ADARB1: variants seen among roughly 807,000 people sequenced by gnomAD.
The protein encoded by ADARB1 is double-stranded RNA-specific editase 1.
A neutral mutation model predicts 52.4 loss-of-function variants in ADARB1; 10 were observed. The ratio of observed to expected loss-of-function variants is 0.19; its 90% CI spans 0.12 to 0.32. The LOEUF (loss-of-function observed/expected upper bound fraction) is 0.32, where lower values mean the gene tolerates loss of function less well. Among genes scored for constraint, ADARB1 ranks in the 10% least tolerant of loss-of-function variants. The pLI is 1.00. For synonymous variants in ADARB1, 349 were observed against 371.1 expected (o/e 0.94, Z 0.68); for missense variants, 643 against 922.3 (o/e 0.70, Z 3.92).
At chr21:45,081,392 C>T (rs2086144164) in intron 1 of ADARB1, among the ~76,000 whole-genome samples, 1 of 152,174 alleles carries the variant, frequency 6.6e-6, no homozygotes, top group African/African-American at 2.4e-5. Flanking sequence ...TCACTTTTGG[C>T]ATAGCATTCA....
In ADARB1 at chr21:45,222,106, A is replaced by G. The variant is rs771382494; in HGVS notation, c.2015A>G (p.Lys672Arg). 1 of 1,613,306 alleles carries G rather than the reference A, an allele frequency of 6.2e-7. No individual in the cohort carries two copies. Among genetic ancestry groups the G allele is most frequent in the Non-Finnish European group, 8.5e-7 (1 of 1,179,888 alleles). ...GCGGCAAAGGAGTACCAGGCCGCCA[A>G]GGCGCGTCTGTTCACAGCCTTCATC... ...KLAAKEYQAA[K>R]ARLFTAFIKA... Residue 672 changes from lysine (K) to arginine (R), a missense_variant, in exon 11 of 11, where the codon AAG becomes AGG. Coordinates refer to ENST00000348831, the MANE Select transcript of ADARB1 (RefSeq NM_001112.4).
At chr21:45,191,899 T>A (rs1429327035) in intron 8 of ADARB1, among the ~76,000 whole-genome samples, 23 of 45,810 alleles carry the variant, frequency 5.0e-4, no homozygotes, top group African/African-American at 1.3e-3. Flanking sequence ...TTTTTTTTTT[T>A]TTTTTTTTTT....
In ADARB1 at chr21:45,225,309, G is replaced by A; in HGVS notation, c.*3112G>A. The stretch of plus-strand genomic sequence containing the variant: ...GCCAGGCCCACCTCTTCCCAGCAAG[G>A]GACGCCAAAGAACTGCAGTTTTTAT... On this transcript the variant is annotated 3_prime_UTR_variant, in exon 11 of 11. Coordinates refer to ENST00000348831, the MANE Select transcript of ADARB1 (RefSeq NM_001112.4). 1 of 1,199,690 alleles carries A rather than the reference G, an allele frequency of 8.3e-7. No individual in the cohort carries two copies. Among genetic ancestry groups the A allele is most frequent in the Non-Finnish European group, 1.0e-6 (1 of 967,788 alleles). The allele number at this position is 1,199,690 out of a possible 1,614,324, so 74.3% of individuals were successfully genotyped here. A position where few individuals can be genotyped will look rare whatever the true frequency, so the allele number is the denominator to read the frequency against.
intron 9 of ADARB1, among the ~76,000 whole-genome samples, chr21:45,213,298 A>C (rs1288391943): frequency 6.6e-6 from 1 of 152,122 alleles, no homozygotes; most frequent in Non-Finnish European, 1.5e-5. Context: ...GGTTTGTGTG[A>C]ATTTTTGGAA....
chr21:45,174,398 C>T (rs935239216), intron 3 of ADARB1, among the ~76,000 whole-genome samples: 2 of 152,118 alleles, frequency 1.3e-5, no homozygotes, highest in Admixed American at 1.3e-4. Context: ...CTTTATACTC[C>T]TCTTTTTAAA....
rs765249261 is a variant in ADARB1, at chr21:45,176,121, G to A, written c.420G>A (p.Arg140=). 6.2e-7 allele frequency: 1 copy of A among 1,614,058 alleles called. No homozygotes were observed. The highest frequency in any genetic ancestry group is 8.5e-7 in the Non-Finnish European group (1 of 1,180,004). Reference sequence around the variant, plus strand: ...TCCATGCTGCTGAGAAGGCCTTGAGGTCTTTCGTTCAGTTTCCTAATGCCT... The same window carrying A: ...TCCATGCTGCTGAGAAGGCCTTGAGATCTTTCGTTCAGTTTCCTAATGCCT... ...AKLHAAEKAL[R]SFVQFPNASE... Residue 140 remains arginine (R), a synonymous_variant, in exon 4 of 11, where the codon AGG becomes AGA. Transcript: ENST00000348831. The surrounding 1 kb of genome is among the most constrained non-coding windows in gnomAD (Gnocchi z 5.8).
chr21:45,168,308 A>G (rs2091336195), intron 2 of ADARB1, among the ~76,000 whole-genome samples: 1 of 152,144 alleles, frequency 6.6e-6, no homozygotes, highest in African/African-American at 2.4e-5. Flanking sequence ...GGACGTTTGC[A>G]GAGAAAAAGT....
rs2093020223 is a variant in ADARB1, at chr21:45,224,413, G to A, written c.*2216G>A. ...TTCCGGGGTGGACTCGTGCGGCCTTGAGGACAGGCACAGGGCACCCTATCC... is the reference window on the plus strand; with the variant it reads ...TTCCGGGGTGGACTCGTGCGGCCTTAAGGACAGGCACAGGGCACCCTATCC... On this transcript the variant is annotated 3_prime_UTR_variant, in exon 11 of 11. Coordinates refer to ENST00000348831, the MANE Select transcript of ADARB1 (RefSeq NM_001112.4). 3 of 984,336 alleles carry A rather than the reference G, an allele frequency of 3.0e-6. No individual in the cohort carries two copies. The highest frequency in any genetic ancestry group is 3.6e-6 in the Non-Finnish European group (3 of 829,858). The allele number at this position is 984,336 out of a possible 1,614,324, so 61.0% of individuals were successfully genotyped here.
chr21:45,186,899 A>T (rs1044587220), intron 8 of ADARB1, among the ~76,000 whole-genome samples: 4 of 152,128 alleles, frequency 2.6e-5, no homozygotes, highest in African/African-American at 9.7e-5. Context: ...TCTATTCTTT[A>T]TGCCAGTGTC....
chr21:45,177,536 A>T (rs761545637), intron 4 of ADARB1: 1 of 152,198 alleles, frequency 6.6e-6, no homozygotes, highest in African/African-American at 2.4e-5. Context: ...CTGATTATGT[A>T]TTCCTTCTTT....
In ADARB1 at chr21:45,224,394, G is replaced by A; in HGVS notation, c.*2197G>A. 1 of 984,608 alleles carries A rather than the reference G, an allele frequency of 1.0e-6. No homozygotes were observed. The highest frequency in any genetic ancestry group is 1.2e-6 in the Non-Finnish European group (1 of 829,892). 61.0% of individuals were successfully genotyped at this position (984,608 alleles called of 1,614,324 possible). ...ACCATGTGAGGTGGCACCTTTCCGG[G>A]GTGGACTCGTGCGGCCTTGAGGACA... is the stretch of plus-strand genomic sequence containing the variant. On this transcript the variant is annotated 3_prime_UTR_variant, in exon 11 of 11. Coordinates refer to ENST00000348831, the MANE Select transcript of ADARB1 (RefSeq NM_001112.4).
chr21:45,204,455 C>A lies in ADARB1; in HGVS notation c.1566-100C>A. Reference sequence around the variant, plus strand: ...CCTTCGTCAGTTGGTTGGGATCCTGCGGAATTGCCAGTGCATCCCTGTAAC... The same window carrying A: ...CCTTCGTCAGTTGGTTGGGATCCTGAGGAATTGCCAGTGCATCCCTGTAAC... On this transcript the variant is annotated intron_variant, in intron 8 of 10. Coordinates refer to ENST00000348831, the MANE Select transcript of ADARB1 (RefSeq NM_001112.4). This position sits in a 1 kb window ranked among gnomAD's most constrained non-coding sequence, Gnocchi z 4.4. 8.5e-7 allele frequency: 1 copy of A among 1,171,086 alleles called. No homozygotes were observed. Among genetic ancestry groups the A allele is most frequent in the Non-Finnish European group, 1.2e-6 (1 of 817,728 alleles). 72.5% of individuals were successfully genotyped at this position (1,171,086 alleles called of 1,614,324 possible). A position where few individuals can be genotyped will look rare whatever the true frequency, so the allele number is the denominator to read the frequency against.
In ADARB1 at chr21:45,079,669, A is replaced by G. The variant is rs374358374; in HGVS notation, c.-220+4876A>G. On this transcript the variant is annotated intron_variant, in intron 1 of 10. Coordinates refer to ENST00000348831, the MANE Select transcript of ADARB1 (RefSeq NM_001112.4). ...TTAGGAAGAATAAAAGCAACTTGTC[A>G]GGGTTGTTGAGTTGCTAATGTAAAG... Among the ~76,000 whole-genome samples, 49 of 152,368 alleles carry G rather than the reference A, an allele frequency of 3.2e-4. 1 individual carries two copies. The East Asian group carries it at 8.3e-3, about 26-fold the overall frequency.
chr21:45,205,410 C>T (rs2092647875), intron 9 of ADARB1, among the ~76,000 whole-genome samples: 2 of 152,226 alleles, frequency 1.3e-5, no homozygotes, highest in African/African-American at 4.8e-5. Context: ...AAAATTATGT[C>T]AGCATTGGCT....
At chr21:45,219,017 A>T (rs1726725356) in intron 9 of ADARB1, among the ~76,000 whole-genome samples, 1 of 152,268 alleles carries the variant, frequency 6.6e-6, no homozygotes, top group Admixed American at 6.5e-5. Context: ...GTGTCTTTTT[A>T]AAAACTTTCA....
In ADARB1 at chr21:45,176,251, G is replaced by C; in HGVS notation, c.550G>C (p.Asp184His). The C allele has an allele frequency of 6.2e-7, 1 of 1,614,196 alleles. No homozygotes were observed. The highest frequency in any genetic ancestry group is 8.5e-7 in the Non-Finnish European group (1 of 1,180,024). The change falls in exon 4 of 11, where the codon GAC becomes CAC. Residue 184 changes from aspartate to histidine, a missense_variant. Physicochemically the swap from Asp to His is moderately conservative, Grantham distance 81 (BLOSUM62 -1). This residue lies in a region of ADARB1 where 380 missense variants were observed against 446.5 expected (regional missense o/e 0.85). Transcript: ENST00000348831. This position sits in a 1 kb window ranked among gnomAD's most constrained non-coding sequence, Gnocchi z 5.8. ...DTLFNGFETP[D>H]KAEPPFYVGS... Reference sequence around the variant, plus strand: ...GCTCTTCAATGGTTTTGAAACTCCTGACAAGGCGGAGCCTCCCTTTTACGT... The same window carrying C: ...GCTCTTCAATGGTTTTGAAACTCCTCACAAGGCGGAGCCTCCCTTTTACGT...
chr21:45,134,217 G>A (rs1027351618), intron 2 of ADARB1, among the ~76,000 whole-genome samples: 1 of 47,822 alleles, frequency 2.1e-5, no homozygotes, highest in Non-Finnish European at 4.5e-5. Context: ...GTGCCCGACA[G>A]TGGTGTGTGC....
chr21:45,101,351 AGGTGCTG>A (rs2087006925), intron 1 of ADARB1, among the ~76,000 whole-genome samples: 1 of 152,188 alleles, frequency 6.6e-6, no homozygotes, highest in South Asian at 2.1e-4. Flanking sequence ...GGGCTTTAGC[AGGTGCTG>A]AAATGCCCGC....
chr21:45,178,600 G>A (rs2091799485), intron 4 of ADARB1, among the ~76,000 whole-genome samples: 1 of 152,170 alleles, frequency 6.6e-6, no homozygotes, highest in Non-Finnish European at 1.5e-5. Context: ...CCTTCAACAG[G>A]AAATTTCCAA....
Sources: gnomAD v4.1 joint callset for allele counts (sites outside exome capture counted in the v4.1 genomes callset) on GRCh38, gnomAD v4.1.1 for gene constraint, gnomAD v4.1.1 regional missense constraint, Gnocchi (gnomAD v3.1) non-coding constraint, MANE v1.5 for transcripts, NCBI Gene and HGNC (gene_info 2026-07-23, HGNC 2026-07-21) for gene names.